ACAP2: variants seen among roughly 807,000 people sequenced by gnomAD.
The protein encoded by ACAP2 is arf-GAP with coiled-coil, ANK repeat and PH domain-containing protein 2.
ACAP2 carries 39 observed loss-of-function variants against 115.8 expected under a neutral mutation model. The ratio of observed to expected loss-of-function variants is 0.34; its 90% confidence interval spans 0.26 to 0.44. The LOEUF (loss-of-function observed/expected upper bound fraction) is 0.44, where lower values mean the gene tolerates loss of function less well. ACAP2 is among the 20% of genes least tolerant of loss of function. The pLI, the probability that ACAP2 is intolerant of heterozygous loss-of-function variation, is 1.00. For synonymous variants in ACAP2, 289 were observed against 315.8 expected, an observed-to-expected ratio of 0.92 and a Z score of 0.90; for missense variants, 662 against 927.6, an observed-to-expected ratio of 0.71 and a Z score of 3.72.
Position 195,279,280 on chromosome 3 carries a change from T to C in ACAP2, c.*48A>G. 1 of 1,319,544 alleles carries C rather than the reference T, an allele frequency of 7.6e-7. No individual in the cohort carries two copies. The highest frequency in any genetic ancestry group is 1.3e-5 in the South Asian group (1 of 78,486). 81.7% of individuals were successfully genotyped at this position (1,319,544 alleles called of 1,614,324 possible). On this transcript the variant is annotated 3_prime_UTR_variant, in exon 23 of 23. Transcript: ENST00000326793. ...AAAAAATTGTGATTTTTTAGCTGTA[T>C]ACATTAGGGGGTCACCAGATTTCAT...
intron 1 of ACAP2, among the ~76,000 whole-genome samples, chr3:195,423,301 T>C (rs577665286): frequency 6.6e-5 from 10 of 152,316 alleles, no homozygotes; most frequent in African/African-American, 2.4e-4. Context: ...ATGTTCACTG[T>C]ACAATCCTTT....
At chr3:195,333,977 G>A (rs1419658965) in intron 7 of ACAP2, among the ~76,000 whole-genome samples, 1 of 152,030 alleles carries the variant, frequency 6.6e-6, no homozygotes, top group Non-Finnish European at 1.5e-5. Context: ...AATCTAAAAA[G>A]CTGACATTAA....
chr3:195,364,983 G>A (rs1732616531), intron 4 of ACAP2, among the ~76,000 whole-genome samples: 2 of 152,162 alleles, frequency 1.3e-5, no homozygotes, highest in Non-Finnish European at 2.9e-5. Flanking sequence ...CAACAACATG[G>A]ACGAAACTAG....
chr3:195,411,605 A>C lies in ACAP2; in HGVS notation c.54-19458T>G, dbSNP rs75615680. 1.5e-3 allele frequency among the ~76,000 whole-genome samples: 225 copies of C among 152,356 alleles called. 4 individuals are homozygous for C. The East Asian group carries it at 0.037, about 25-fold the overall frequency. On this transcript the variant is annotated intron_variant, in intron 1 of 22. Coordinates refer to ENST00000326793, the MANE Select transcript of ACAP2 (RefSeq NM_012287.6). ...ACATCAAAAGGCACACATTTTATTT[A>C]GCTATTTCCTTGGTAATCTACAATA...
chr3:195,347,618 A>G (rs1731267826), intron 4 of ACAP2, among the ~76,000 whole-genome samples: 1 of 152,250 alleles, frequency 6.6e-6, no homozygotes, highest in Admixed American at 6.5e-5. Flanking sequence ...TATCTTAAAA[A>G]GGATTTGACT....
chr3:195,405,812 C>A (rs1030503160), intron 1 of ACAP2, among the ~76,000 whole-genome samples: 1 of 152,048 alleles, frequency 6.6e-6, no homozygotes, highest in Non-Finnish European at 1.5e-5. Context: ...AACCAAATCA[C>A]GGCAGAAGGC....
intron 12 of ACAP2, chr3:195,306,955 T>C (rs1472097849): frequency 1.1e-5 from 4 of 353,800 alleles, no homozygotes; most frequent in Non-Finnish European, 2.0e-5. Flanking sequence ...AAGAAACTCA[T>C]ATGATTTCAA....
chr3:195,401,334 C>G (rs1366190465), intron 1 of ACAP2, among the ~76,000 whole-genome samples: 1 of 152,164 alleles, frequency 6.6e-6, no homozygotes, highest in African/African-American at 2.4e-5. Flanking sequence ...TTATAATCTA[C>G]ATGCCACCTT....
At chr3:195,379,289 A>G (rs1733791024) in intron 4 of ACAP2, among the ~76,000 whole-genome samples, 1 of 152,210 alleles carries the variant, frequency 6.6e-6, no homozygotes, top group East Asian at 1.9e-4. Context: ...AAACAACAAA[A>G]GACAAAATAG....
intron 4 of ACAP2, among the ~76,000 whole-genome samples, chr3:195,375,902 C>T (rs1733497741): frequency 6.6e-6 from 1 of 152,056 alleles, no homozygotes; most frequent in Admixed American, 6.6e-5. Flanking sequence ...AGATAATAAT[C>T]AAATAAATAT....
intron 4 of ACAP2, among the ~76,000 whole-genome samples, chr3:195,354,904 C>T (rs113781568): frequency 8.5e-5 from 13 of 152,338 alleles, no homozygotes; most frequent in Admixed American, 6.5e-4. Flanking sequence ...CACTCCATCA[C>T]GCAGGCTGGA....
intron 1 of ACAP2, 37 bp from the exon 2 acceptor site, chr3:195,392,184 G>A: frequency 6.6e-7 from 1 of 1,516,512 alleles, no homozygotes; most frequent in Non-Finnish European, 9.1e-7. Flanking sequence ...TATTTCGTTT[G>A]TTTAAATGTA....
Position 195,302,139 on chromosome 3 carries a change from G to A in ACAP2, c.1152C>T (p.Ser384=), listed in dbSNP as rs760106242. 2 of 1,613,728 alleles carry A rather than the reference G, an allele frequency of 1.2e-6. No individual in the cohort carries two copies. The highest frequency in any genetic ancestry group is 2.7e-5 in the African/African-American group (2 of 74,872). Residue 384 remains serine (S), a synonymous_variant, in exon 14 of 23, where the codon AGC becomes AGT. Coordinates refer to ENST00000326793, the MANE Select transcript of ACAP2 (RefSeq NM_012287.6). ...CTTTGGACTCATTTCCAGAATCTAG[G>A]CTTCCTGTGGATGGAGATGATTTCT... ...LDKKSSPSTG[S]LDSGNESKEK... is the part of the protein sequence containing the mutation.
At chr3:195,322,953 T>C (rs1367457884) in intron 9 of ACAP2, among the ~76,000 whole-genome samples, 1 of 152,172 alleles carries the variant, frequency 6.6e-6, no homozygotes, top group Non-Finnish European at 1.5e-5. Flanking sequence ...AAAGACATAG[T>C]GTTAGAATCT....
At chr3:195,382,065 AC>A in intron 2 of ACAP2, 43 bp from the exon 3 acceptor site, 2 of 1,575,206 alleles carry the variant, frequency 1.3e-6, no homozygotes, top group Non-Finnish European at 1.7e-6. Context: ...AGATAGTTTT[AC>A]AAATTACTTA....
At chr3:195,282,047 A>G (rs953826651) in intron 22 of ACAP2, 1 of 152,208 alleles carries the variant, frequency 6.6e-6, no homozygotes, top group Non-Finnish European at 1.5e-5. Context: ...GGTCTAGCAG[A>G]CGTTAATACC....
chr3:195,323,960 C>A (rs1188163531), intron 9 of ACAP2, among the ~76,000 whole-genome samples: 1 of 151,984 alleles, frequency 6.6e-6, no homozygotes, highest in African/African-American at 2.4e-5. Flanking sequence ...AGGATGGATA[C>A]CCCGTTTTCC....
At chr3:195,368,311 G>A (rs1037418432) in intron 4 of ACAP2, among the ~76,000 whole-genome samples, 5 of 152,032 alleles carry the variant, frequency 3.3e-5, no homozygotes, top group Non-Finnish European at 7.4e-5. Flanking sequence ...CACTATGCCT[G>A]GCTAATTTTT....
intron 10 of ACAP2, among the ~76,000 whole-genome samples, chr3:195,314,414 C>T (rs770521885): frequency 3.9e-5 from 6 of 151,972 alleles, no homozygotes; most frequent in South Asian, 2.1e-4. Flanking sequence ...ATTACAGATG[C>T]GTGCCACCAT....
Sources: gnomAD v4.1 joint callset for allele counts (sites outside exome capture counted in the v4.1 genomes callset) on GRCh38, gnomAD v4.1.1 for gene constraint, MANE v1.5 for transcripts, NCBI Gene and HGNC (gene_info 2026-07-23, HGNC 2026-07-21) for gene names.